Variants in LY6S observed in about 807,000 individuals in gnomAD.
The protein encoded by LY6S is lymphocyte antigen 6 family member S, also known as lymphocyte antigen 6S.
the LY6S span, among the ~76,000 whole-genome samples, chr8:143,058,431 C>CAG: frequency 4.6e-5 from 7 of 151,600 alleles, no homozygotes; most frequent in African/African-American, 1.4e-4. Flanking sequence ...GCAGCTGAGG[C>CAG]AGAGAGAGAG....
At chr8:143,066,948 G>A in the LY6S span, among the ~76,000 whole-genome samples, 1 of 152,186 alleles carries the variant, frequency 6.6e-6, no homozygotes, top group Non-Finnish European at 1.5e-5. Flanking sequence ...AGGCCTCAAA[G>A]GCATTTCAGA....
chr8:143,069,195 G>A, the LY6S span, among the ~76,000 whole-genome samples: 1 of 152,230 alleles, frequency 6.6e-6, no homozygotes, highest in Non-Finnish European at 1.5e-5. Flanking sequence ...AGAGCCCCTA[G>A]AAAGAGACAA....
the LY6S span, among the ~76,000 whole-genome samples, chr8:143,061,107 G>A: frequency 0.22 from 33,295 of 151,792 alleles, 5,198 homozygotes; most frequent in African/African-American, 0.43. Flanking sequence ...GATAACAATA[G>A]ACTGGTCACA....
the LY6S span, among the ~76,000 whole-genome samples, chr8:143,071,018 A>G: frequency 0.13 from 16,712 of 124,650 alleles, 2,240 homozygotes; most frequent in African/African-American, 0.31. Flanking sequence ...GTGGTGGGGA[A>G]AGGAAGGTCA....
At chr8:143,068,754 C>T in the LY6S span, among the ~76,000 whole-genome samples, 1 of 148,656 alleles carries the variant, frequency 6.7e-6, no homozygotes, top group African/African-American at 2.4e-5. Flanking sequence ...CTAATAATTT[C>T]TTTTTTTTTT....
At chr8:143,068,104 T>TA in the LY6S span, among the ~76,000 whole-genome samples, 1 of 152,280 alleles carries the variant, frequency 6.6e-6, no homozygotes, top group East Asian at 1.9e-4. Flanking sequence ...GCTGTCTCAG[T>TA]GGGGGGAAAC....
the LY6S span, among the ~76,000 whole-genome samples, chr8:143,048,657 T>TG: frequency 5.3e-5 from 8 of 151,910 alleles, no homozygotes; most frequent in South Asian, 1.7e-3. Flanking sequence ...TTAGTAGAGA[T>TG]GGGGGTTTCA....
At chr8:143,051,711 C>A in the LY6S span, among the ~76,000 whole-genome samples, 528 of 151,614 alleles carry the variant, frequency 3.5e-3, 6 homozygotes, top group Admixed American at 6.0e-3. Flanking sequence ...GTGGCTCACA[C>A]CTGTAATCCC....
chr8:143,052,329 G>A, the LY6S span, among the ~76,000 whole-genome samples: 1 of 152,148 alleles, frequency 6.6e-6, no homozygotes, highest in Non-Finnish European at 1.5e-5. Flanking sequence ...AGGACACCAT[G>A]ACCACCTGGG....
the LY6S span, chr8:143,057,767 A>C: frequency 1.3e-6 from 1 of 785,548 alleles, no homozygotes; most frequent in Non-Finnish European, 2.3e-6. Context: ...AGCTCTATCT[A>C]GGGCTTCTGC....
At chr8:143,072,929 T>C in the LY6S span, among the ~76,000 whole-genome samples, 47 of 37,652 alleles carry the variant, frequency 1.2e-3, no homozygotes, top group African/African-American at 7.6e-3. Context: ...TCCCCGGGGT[T>C]CCTGTTTGAG....
At chr8:143,043,010 A>G in the LY6S span, 1 of 1,367,800 alleles carries the variant, frequency 7.3e-7, no homozygotes, top group Non-Finnish European at 9.8e-7. Context: ...TCATGGCTGA[A>G]AAGCCACACC....
At chr8:143,064,566 T>G in the LY6S span, among the ~76,000 whole-genome samples, 1 of 152,182 alleles carries the variant, frequency 6.6e-6, no homozygotes, top group East Asian at 1.9e-4. Context: ...TTGGAGAGCT[T>G]TGAAATCCTG....
At chr8:143,063,299 T>C in the LY6S span, among the ~76,000 whole-genome samples, 202 of 152,318 alleles carry the variant, frequency 1.3e-3, no homozygotes, top group African/African-American at 4.6e-3. Context: ...CTAAATCCAT[T>C]TCAGTTGAGT....
the LY6S span, chr8:143,065,997 T>G: frequency 2.8e-6 from 1 of 352,626 alleles, no homozygotes; most frequent in African/African-American, 2.2e-5. Flanking sequence ...GTGGGCTTCA[T>G]GAGATCCATT....
At chr8:143,066,226 A>T in the LY6S span, 44,897 of 227,996 alleles carry the variant, frequency 0.2, 6,329 homozygotes, top group African/African-American at 0.44. Flanking sequence ...TGGAGTGCAG[A>T]GGCGCAATCT....
At chr8:143,060,160 A>G in the LY6S span, among the ~76,000 whole-genome samples, 1 of 151,958 alleles carries the variant, frequency 6.6e-6, no homozygotes, top group Non-Finnish European at 1.5e-5. Flanking sequence ...CAGGGCCACT[A>G]CAGGGCTCCT....
chr8:143,043,964 C>G, the LY6S span, among the ~76,000 whole-genome samples: 4 of 152,218 alleles, frequency 2.6e-5, no homozygotes, highest in East Asian at 7.7e-4. Context: ...CATGAGCCAC[C>G]GTGCCCGGCC....
chr8:143,068,041 G>A, the LY6S span, among the ~76,000 whole-genome samples: 1 of 152,124 alleles, frequency 6.6e-6, no homozygotes, highest in South Asian at 2.1e-4. Flanking sequence ...CCCTTCACGG[G>A]TGTTGGGCTG....
Sources: allele counts gnomAD v4.1 joint callset (sites outside exome capture counted in the v4.1 genomes callset), GRCh38; gene constraint gnomAD v4.1.1; transcripts MANE v1.5; gene names NCBI Gene and HGNC (gene_info 2026-07-23, HGNC 2026-07-21).